Variants in SDK1 observed in about 807,000 individuals in gnomAD.
SDK1 encodes the protein sidekick cell adhesion molecule 1, also known as protein sidekick-1.
Under a neutral mutation model 245.5 loss-of-function variants are expected in SDK1, and 157 were observed. The observed-to-expected ratio is 0.64, with a 90% CI of 0.56 to 0.73. The LOEUF (loss-of-function observed/expected upper bound fraction) is 0.73, where lower values mean the gene tolerates loss of function less well. Among genes scored for constraint, SDK1 ranks in the 30% least tolerant of loss-of-function variants. The probability of loss-of-function intolerance (pLI) is 0.00; values close to 1 mark genes in which losing one functional copy is unlikely to be tolerated. For synonymous variants in SDK1, 1,647 were observed against 1,278.5 expected (o/e 1.29, Z -6.15); for missense variants, 3,583 against 3,002.3 (o/e 1.19, Z -4.52).
At chr7:3,553,541 T>C (rs1462829267) in intron 1 of SDK1, among the ~76,000 whole-genome samples, 4 of 152,174 alleles carry the variant, frequency 2.6e-5, no homozygotes, top group African/African-American at 9.7e-5. Context: ...ACCTGGCCTT[T>C]CTTGACCTCT....
chr7:4,156,272 A>G (rs1282996116), intron 30 of SDK1, among the ~76,000 whole-genome samples: 2 of 152,140 alleles, frequency 1.3e-5, no homozygotes, highest in Non-Finnish European at 2.9e-5. Flanking sequence ...GAGAAGACAC[A>G]TGGTTATCAC....
intron 4 of SDK1, among the ~76,000 whole-genome samples, chr7:3,726,461 C>T (rs1329783357): frequency 1.3e-5 from 2 of 152,206 alleles, no homozygotes; most frequent in East Asian, 3.8e-4. Context: ...CCAACTCTCA[C>T]CCTTTTGCAT....
At chr7:4,029,071 GTCAC>G in intron 17 of SDK1, among the ~76,000 whole-genome samples, 1 of 110,820 alleles carries the variant, frequency 9.0e-6, no homozygotes, top group Admixed American at 1.2e-4. Context: ...GGGGGTGGGG[GTCAC>G]TGAATTGATA....
chr7:3,433,836 G>A (rs1019704406), intron 1 of SDK1, among the ~76,000 whole-genome samples: 1 of 152,140 alleles, frequency 6.6e-6, no homozygotes, highest in Non-Finnish European at 1.5e-5. Flanking sequence ...ACCTTACAGA[G>A]TACATACAAG....
chr7:3,809,005 G>A (rs1382904333), intron 4 of SDK1, among the ~76,000 whole-genome samples: 1 of 152,086 alleles, frequency 6.6e-6, no homozygotes, highest in Admixed American at 6.5e-5. Flanking sequence ...GGGTTATTAG[G>A]CTGTTCTTGC....
At chr7:3,413,103 GC>G (rs1039011109) in intron 1 of SDK1, among the ~76,000 whole-genome samples, 1 of 152,132 alleles carries the variant, frequency 6.6e-6, no homozygotes, top group African/African-American at 2.4e-5. Context: ...GTTATGGAAG[GC>G]CCCCTGAGGA....
chr7:3,834,153 A>G (rs1164836203), intron 5 of SDK1, among the ~76,000 whole-genome samples: 1 of 152,202 alleles, frequency 6.6e-6, no homozygotes, highest in Non-Finnish European at 1.5e-5. Context: ...TGGCTTTTAG[A>G]GTCTCTGTCT....
At chr7:4,102,319 G>T (rs56896338) in intron 22 of SDK1, among the ~76,000 whole-genome samples, 1 of 152,140 alleles carries the variant, frequency 6.6e-6, no homozygotes, top group Non-Finnish European at 1.5e-5. Flanking sequence ...GCACGGGGAG[G>T]AGCCGTCAGA....
intron 1 of SDK1, among the ~76,000 whole-genome samples, chr7:3,360,898 C>T (rs1268799495): frequency 6.6e-6 from 1 of 150,636 alleles, no homozygotes; most frequent in Non-Finnish European, 1.5e-5. Context: ...TGTCATGATG[C>T]ATTTGACATC....
intron 22 of SDK1, among the ~76,000 whole-genome samples, chr7:4,088,209 T>G (rs1411375148): frequency 6.6e-6 from 1 of 152,194 alleles, no homozygotes. Flanking sequence ...AATTCTCTTG[T>G]TAGTTGGTTA....
chr7:3,590,110 T>C (rs1259047046), intron 1 of SDK1, among the ~76,000 whole-genome samples: 1 of 152,180 alleles, frequency 6.6e-6, no homozygotes, highest in Non-Finnish European at 1.5e-5. Flanking sequence ...TACAGACTTA[T>C]AAAATGGAAA....
intron 9 of SDK1, among the ~76,000 whole-genome samples, chr7:3,964,816 A>T (rs1019480915): frequency 2.0e-5 from 3 of 152,168 alleles, no homozygotes; most frequent in Non-Finnish European, 4.4e-5. Context: ...CTGCAAGGAG[A>T]CTGACCAGGT....
intron 1 of SDK1, among the ~76,000 whole-genome samples, chr7:3,592,431 G>C (rs900460944): frequency 3.3e-5 from 5 of 152,176 alleles, no homozygotes; most frequent in African/African-American, 1.2e-4. Context: ...TCTACTTTAA[G>C]TCTTTTAATA....
intron 22 of SDK1, among the ~76,000 whole-genome samples, chr7:4,089,636 G>T (rs1019180018): frequency 6.6e-6 from 1 of 152,208 alleles, no homozygotes; most frequent in African/African-American, 2.4e-5. Flanking sequence ...TCCGTCACGT[G>T]GAGCCCACGT....
chr7:3,831,665 A>C (rs1779915728), intron 5 of SDK1, among the ~76,000 whole-genome samples: 1 of 152,152 alleles, frequency 6.6e-6, no homozygotes, highest in Admixed American at 6.5e-5. Flanking sequence ...GATTTGGTTC[A>C]AAGCATAATG....
At chr7:3,607,152 T>C (rs548468052) in intron 1 of SDK1, among the ~76,000 whole-genome samples, 2 of 139,084 alleles carry the variant, frequency 1.4e-5, no homozygotes, top group South Asian at 2.3e-4. Flanking sequence ...AGGAAGGCCC[T>C]TTTTTTTTTT....
intron 2 of SDK1, among the ~76,000 whole-genome samples, chr7:3,631,457 C>T (rs1782285232): frequency 6.6e-6 from 1 of 152,158 alleles, no homozygotes; most frequent in African/African-American, 2.4e-5. Flanking sequence ...TGGTTTATGT[C>T]AGCTCTCTTT....
chr7:3,823,836 A>C (rs1779704371), intron 5 of SDK1, among the ~76,000 whole-genome samples: 1 of 152,180 alleles, frequency 6.6e-6, no homozygotes, highest in African/African-American at 2.4e-5. Flanking sequence ...AAAATGGGAG[A>C]AGTAAGGAGA....
At chr7:4,083,338 G>A (rs1781184427) in intron 22 of SDK1, among the ~76,000 whole-genome samples, 1 of 151,736 alleles carries the variant, frequency 6.6e-6, no homozygotes, top group South Asian at 2.1e-4. Flanking sequence ...TAATCTAGTG[G>A]AATCCCCCAC....
Sources: allele counts gnomAD v4.1 joint callset (sites outside exome capture counted in the v4.1 genomes callset), GRCh38; gene constraint gnomAD v4.1.1; transcripts MANE v1.5; gene names NCBI Gene and HGNC (gene_info 2026-07-23, HGNC 2026-07-21).